The following NOTCH1 variants were observed in gnomAD, a reference collection of about 807,000 sequenced individuals.
The protein encoded by NOTCH1 is notch receptor 1.
NOTCH1 carries 37 observed loss-of-function variants against 254.8 expected under a neutral mutation model. That is an observed-to-expected ratio of 0.15 (90% CI 0.11 to 0.19). The LOEUF (loss-of-function observed/expected upper bound fraction) is 0.19, where lower values mean the gene tolerates loss of function less well. Among genes scored for constraint, NOTCH1 ranks in the 10% least tolerant of loss-of-function variants. The probability of loss-of-function intolerance (pLI) is 1.00; values close to 1 mark genes in which losing one functional copy is unlikely to be tolerated. For synonymous variants in NOTCH1, 1,731 were observed against 1,618.1 expected (o/e 1.07, Z -1.68); for missense variants, 2,972 against 3,708.6 (o/e 0.80, Z 5.16).
rs755556625 is a variant in NOTCH1, at chr9:136,496,054, C to A, written c.*17G>T. ...AAGGCTTGGGAAAGGAAGCCGGGGT[C>A]TCGTGGGGCGCGCCGTTTACTTGAA... On this transcript the variant is annotated 3_prime_UTR_variant, in exon 34 of 34. Coordinates refer to ENST00000651671, the MANE Select transcript of NOTCH1 (RefSeq NM_017617.5). 15 of 1,591,160 alleles carry A rather than the reference C, an allele frequency of 9.4e-6. No individual in the cohort carries two copies. Among genetic ancestry groups the A allele is most frequent in the Non-Finnish European group, 1.3e-5 (15 of 1,176,110 alleles).
rs1318187322 is a variant in NOTCH1, at chr9:136,497,367, C to T, written c.6372G>A (p.Leu2124=). Residue 2124 remains leucine, a synonymous_variant, in exon 34 of 34, where the codon CTG becomes CTA. Coordinates refer to ENST00000651671, the MANE Select transcript of NOTCH1 (RefSeq NM_017617.5). ...DEYNLVRSPQ[L]HGAPLGGTPT... ...GCGTGCCCCCCAGCGGGGCTCCGTGCAGCTGCGGGCTGCGCACCAGGTTGT... is the reference window on the plus strand; with the variant it reads ...GCGTGCCCCCCAGCGGGGCTCCGTGTAGCTGCGGGCTGCGCACCAGGTTGT... 1.2e-6 allele frequency: 2 copies of T among 1,607,642 alleles called. No homozygotes were observed. Among genetic ancestry groups the T allele is most frequent in the Non-Finnish European group, 1.7e-6 (2 of 1,179,340 alleles).
In NOTCH1 at chr9:136,517,756, C is replaced by T. The variant is rs1038001297; in HGVS notation, c.1437G>A (p.Met479Ile). The change falls in exon 8 of 34, where the codon ATG (methionine) becomes ATA (isoleucine). Residue 479 changes from methionine (M) to isoleucine (I), a missense_variant. Around this residue, in one of 8 missense-constraint regions of NOTCH1, gnomAD observed 128 missense variants for 193.8 expected, o/e 0.66. Coordinates refer to ENST00000651671, the MANE Select transcript of NOTCH1 (RefSeq NM_017617.5). ...DQIGEFQCIC[M>I]PGYEGVHCEV... is the part of the protein sequence containing the mutation. ...CCCTGGCCCCGGCCGACGCACCGGG[C>T]ATGCAGATGCACTGGAACTCCCCAA... The T allele has an allele frequency of 1.2e-6, 2 of 1,612,666 alleles. No homozygotes were observed. The highest frequency in any genetic ancestry group is 2.2e-5 in the East Asian group (1 of 44,876).
intron 27 of NOTCH1, 24 bp downstream of exon 27, chr9:136,503,158 T>C (rs2133333028): frequency 6.2e-7 from 1 of 1,612,446 alleles, no homozygotes. Flanking sequence ...GCAGAGCCTG[T>C]TCCCGGGATG....
chr9:136,536,132 C>A (rs150264872), intron 2 of NOTCH1, among the ~76,000 whole-genome samples: 1 of 152,104 alleles, frequency 6.6e-6, no homozygotes, highest in Non-Finnish European at 1.5e-5. Context: ...ATGCTAGGAC[C>A]GCCTATAACC....
intron 1 of NOTCH1, among the ~76,000 whole-genome samples, chr9:136,544,855 G>C (rs1452066911): frequency 6.6e-6 from 1 of 152,096 alleles, no homozygotes; most frequent in Non-Finnish European, 1.5e-5. Flanking sequence ...ATCTCGAGAA[G>C]GGATCAATTA....
chr9:136,500,154 C>A (rs1054416128), intron 31 of NOTCH1, among the ~76,000 whole-genome samples: 2 of 152,238 alleles, frequency 1.3e-5, no homozygotes, highest in African/African-American at 2.4e-5. Flanking sequence ...AGCCTCTAAA[C>A]CCTGCTTCTC....
At chr9:136,519,782 C>G (rs192633216) in intron 4 of NOTCH1, among the ~76,000 whole-genome samples, 19 of 152,374 alleles carry the variant, frequency 1.2e-4, no homozygotes, top group African/African-American at 4.3e-4. Context: ...AACAGGGACT[C>G]AGGAACACAG....
rs764931034 is a variant in NOTCH1 at position 136,505,752 on chromosome 9, C to G, written c.4144G>C (p.Glu1382Gln). The change falls in exon 25 of 34, where the codon GAA becomes CAA. Residue 1382 changes from glutamate to glutamine, a missense_variant. This residue lies in a region of NOTCH1 where 1,343 missense variants were observed against 1,557.0 expected (regional missense o/e 0.86). Coordinates refer to ENST00000651671, the MANE Select transcript of NOTCH1 (RefSeq NM_017617.5). ...CLCLGPFTGP[E>Q]CQFPASSPCL... is the part of the protein sequence containing the mutation. ...GGGCTGCTGGCCGGGAACTGGCATTCGGGGCCCGTGAAGGGGCCCAGGCAC... is the reference window on the plus strand; with the variant it reads ...GGGCTGCTGGCCGGGAACTGGCATTGGGGGCCCGTGAAGGGGCCCAGGCAC... 2 of 1,587,290 alleles carry G rather than the reference C, an allele frequency of 1.3e-6. No homozygotes were observed. The highest frequency in any genetic ancestry group is 1.1e-5 in the South Asian group (1 of 88,452).
At position 136,502,029 on chromosome 9, in the gene NOTCH1, T is replaced by TC; in HGVS notation, c.5443dup (p.Asp1815GlyfsTer19). On this transcript the variant is annotated frameshift_variant, in exon 29 of 34. Coordinates refer to ENST00000651671, the MANE Select transcript of NOTCH1 (RefSeq NM_017617.5). LOFTEE classifies it high-confidence loss of function. The stretch of plus-strand genomic sequence containing the variant: ...GAACTTCTTGGTCTCCAGGTCCTCG[T>TC]CCCCCCACTCATTCTGGTTGTCGTC... 6.2e-7 allele frequency: 1 copy of TC among 1,612,956 alleles called. No homozygotes were observed.
chr9:136,507,170 C>A, intron 22 of NOTCH1, 135 bp downstream of exon 22: 1 of 1,519,998 alleles, frequency 6.6e-7, no homozygotes, highest in Non-Finnish European at 9.0e-7. Context: ...AGCTGTGAGT[C>A]GGCCTTGGCC....
In NOTCH1 at chr9:136,497,435, G is replaced by T; in HGVS notation, c.6304C>A (p.Gln2102Lys). 2 of 1,612,216 alleles carry T rather than the reference G, an allele frequency of 1.2e-6. No homozygotes were observed. ...ACGATGTCGTGATGCATGCGCTCCT[G>T]TGCGATGTCGCGCGGCAGGCGGTCC... ...HMDRLPRDIAQERMHHDIVRL... is the reference protein window; with the variant it reads ...HMDRLPRDIAKERMHHDIVRL... The change falls in exon 34 of 34, where the codon CAG (glutamine) becomes AAG (lysine). Residue 2102 changes from glutamine (Q) to lysine (K), a missense_variant. Physicochemically the swap from Gln to Lys is moderately conservative, Grantham distance 53. Transcript: ENST00000651671.
intron 2 of NOTCH1, among the ~76,000 whole-genome samples, chr9:136,531,948 G>A (rs146805899): frequency 3.5e-4 from 53 of 152,350 alleles, no homozygotes; most frequent in Middle Eastern, 6.8e-3. Context: ...TCCTCCTCTC[G>A]GAACACCGCT....
At position 136,506,486 on chromosome 9, in the gene NOTCH1, T is replaced by C; in HGVS notation, c.4014+41A>G. On this transcript the variant is annotated intron_variant, in intron 24 of 33. Coordinates refer to ENST00000651671, the MANE Select transcript of NOTCH1 (RefSeq NM_017617.5). The surrounding 1 kb of genome is among the most constrained non-coding windows in gnomAD (Gnocchi z 4.5). Reference sequence around the variant, plus strand: ...CCCCACGTGGACCTCTCCAGGTGTCTCCCCTGGCGGGCCCCTGCCTCCCTG... The same window carrying C: ...CCCCACGTGGACCTCTCCAGGTGTCCCCCCTGGCGGGCCCCTGCCTCCCTG... 2.0e-6 allele frequency: 3 copies of C among 1,532,604 alleles called. No individual in the cohort carries two copies. Among genetic ancestry groups the C allele is most frequent in the Non-Finnish European group, 2.6e-6 (3 of 1,133,528 alleles). The allele number at this position is 1,532,604 out of a possible 1,614,324, so 94.9% of individuals were successfully genotyped here.
At chr9:136,501,457 A>AT (rs1428398889) in intron 30 of NOTCH1, among the ~76,000 whole-genome samples, 1 of 151,516 alleles carries the variant, frequency 6.6e-6, no homozygotes, top group Non-Finnish European at 1.5e-5. Flanking sequence ...AAAGAAAAAA[A>AT]AAAAGAAAAA....
At position 136,545,979 on chromosome 9, in the gene NOTCH1, T is replaced by TGCGCTCGCGCCC. The variant is rs1554733900; in HGVS notation, c.-205_-194dup. ...CTCCGCGCCCGGCTCGTTCCTTCGC[T>TGCGCTCGCGCCC]GCGCTCGCGCCCGCGCCCGCGCCCC... On this transcript the variant is annotated 5_prime_UTR_variant, in exon 1 of 34. Transcript: ENST00000651671. The surrounding 1 kb of genome is among the most constrained non-coding windows in gnomAD (Gnocchi z 6.8). Among the ~76,000 whole-genome samples, 6 of 146,426 alleles carry TGCGCTCGCGCCC rather than the reference T, an allele frequency of 4.1e-5. No individual in the cohort carries two copies. The highest frequency in any genetic ancestry group is 1.5e-4 in the African/African-American group (6 of 39,820).
At chr9:136,519,725 G>A in intron 4 of NOTCH1, 160 bp from the exon 5 acceptor site, 3 of 944,512 alleles carry the variant, frequency 3.2e-6, no homozygotes, top group Non-Finnish European at 5.1e-6. Context: ...CCAGTGCCCA[G>A]AGGGACACGC....
chr9:136,511,233 T>G lies in NOTCH1; in HGVS notation c.2506A>C (p.Ser836Arg), dbSNP rs771038220. Residue 836 changes from serine to arginine, a missense_variant, in exon 16 of 34, where the codon AGC becomes CGC. Ser to Arg is a moderately radical substitution (Grantham distance 110, BLOSUM62 -1). Around this residue, in one of 8 missense-constraint regions of NOTCH1, gnomAD observed 1,343 missense variants for 1,557.0 expected, o/e 0.86. Transcript: ENST00000651671. Reference sequence around the variant, plus strand: ...CACTCCCCGCCGTTTCTGCAGGGGCTGGGGGCACACGGGGCCAGCACCACC... The same window carrying G: ...CACTCCCCGCCGTTTCTGCAGGGGCGGGGGGCACACGGGGCCAGCACCACC... ...CEVVLAPCAP[S>R]PCRNGGECRQ... The G allele has an allele frequency of 3.7e-6, 6 of 1,612,544 alleles. No homozygotes were observed. The South Asian group carries it at 6.6e-5, about 18-fold the overall frequency.
In NOTCH1 at chr9:136,496,772, A is replaced by G; in HGVS notation, c.6967T>C (p.Tyr2323His). The change falls in exon 34 of 34, where the codon TAC (tyrosine) becomes CAC (histidine). Residue 2323 changes from tyrosine to histidine, a missense_variant. Transcript: ENST00000651671. ...RLQSGMVPNQ[Y>H]NPLRGSVAPG... ...GCCACACTCCCCCGCAGAGGGTTGT[A>G]TTGGTTCGGCACCATGCCGCTCTGC... 6.2e-7 allele frequency: 1 copy of G among 1,612,840 alleles called. No individual in the cohort carries two copies. The highest frequency in any genetic ancestry group is 8.5e-7 in the Non-Finnish European group (1 of 1,179,986).
chr9:136,510,098 G>T (rs1330076774), intron 17 of NOTCH1, 137 bp from the exon 18 acceptor site: 6 of 810,420 alleles, frequency 7.4e-6, no homozygotes, highest in Non-Finnish European at 1.2e-5. Flanking sequence ...TGTGACAAAG[G>T]TGTCTGGTGG....
Sources: gnomAD v4.1 joint callset for allele counts (sites outside exome capture counted in the v4.1 genomes callset) on GRCh38, gnomAD v4.1.1 for gene constraint, gnomAD v4.1.1 regional missense constraint, Gnocchi (gnomAD v3.1) non-coding constraint, MANE v1.5 for transcripts, NCBI Gene and HGNC (gene_info 2026-07-23, HGNC 2026-07-21) for gene names.